Variants in DYNC1I2 observed in about 807,000 individuals in gnomAD.
The protein encoded by DYNC1I2 is cytoplasmic dynein 1 intermediate chain 2.
Under a neutral mutation model 88.6 loss-of-function variants are expected in DYNC1I2, and 53 were observed. The observed-to-expected ratio is 0.60, with a 90% confidence interval of 0.48 to 0.75. The LOEUF (loss-of-function observed/expected upper bound fraction) is 0.75. Among genes scored for constraint, DYNC1I2 ranks in the 30% least tolerant of loss-of-function variants. The pLI is 0.00. For synonymous variants in DYNC1I2, 198 were observed against 254.6 expected (o/e 0.78, Z 2.12); for missense variants, 458 against 766.6 (o/e 0.60, Z 4.75).
At position 171,743,800 on chromosome 2, in the gene DYNC1I2, A is replaced by G. The variant is rs3796000; in HGVS notation, c.1537-249A>G. ...GACAGATGTTCTTGAAGCATGTTCT[A>G]TTTCTTTTTTTAAACAGTATGGCAT... is the stretch of plus-strand genomic sequence containing the variant. On this transcript the variant is annotated intron_variant, in intron 15 of 17. Transcript: ENST00000397119. 0.041 allele frequency among the ~76,000 whole-genome samples: 6,310 copies of G among 152,266 alleles called. 1,005 individuals are homozygous for G. The East Asian group carries it at 0.59, about 14-fold the overall frequency.
chr2:171,734,491 C>T (rs1688869315), intron 15 of DYNC1I2, among the ~76,000 whole-genome samples: 1 of 152,194 alleles, frequency 6.6e-6, no homozygotes, highest in Non-Finnish European at 1.5e-5. Flanking sequence ...GCATTGCTTC[C>T]TTCCTTGGGC....
At chr2:171,744,692 A>C (rs1249450405) in intron 16 of DYNC1I2, among the ~76,000 whole-genome samples, 1 of 152,194 alleles carries the variant, frequency 6.6e-6, no homozygotes, top group Non-Finnish European at 1.5e-5. Flanking sequence ...TGTTACTATA[A>C]AATGAATATA....
chr2:171,743,488 A>C (rs1180038825), intron 15 of DYNC1I2, among the ~76,000 whole-genome samples: 1 of 152,226 alleles, frequency 6.6e-6, no homozygotes, highest in Admixed American at 6.5e-5. Context: ...CTGTCCAGTG[A>C]GCATCTGCTA....
intron 3 of DYNC1I2, among the ~76,000 whole-genome samples, chr2:171,694,968 A>T (rs980392466): frequency 6.6e-6 from 1 of 152,194 alleles, no homozygotes; most frequent in African/African-American, 2.4e-5. Context: ...GCCCATCTCC[A>T]TCATTAATTC....
chr2:171,736,276 A>G (rs1574623837), intron 15 of DYNC1I2, among the ~76,000 whole-genome samples: 1 of 152,316 alleles, frequency 6.6e-6, no homozygotes, highest in Non-Finnish European at 1.5e-5. Context: ...TCTCCTTTGC[A>G]TATTCAGAAA....
rs1208247946 is a variant in DYNC1I2, at chr2:171,707,318, T to C, written c.276T>C (p.Ser92=). The change falls in exon 5 of 18, where the codon TCT becomes TCC. Residue 92 remains serine, a synonymous_variant. Transcript: ENST00000397119. ...VPPPMSPSSK[S]VSTPSEAGSQ... is the part of the protein sequence containing the mutation. ...CTCCTATGTCTCCATCCTCCAAATC[T>C]GTGAGCACTCCAAGTGAAGCTGGAA... is the stretch of plus-strand genomic sequence containing the variant. The C allele has an allele frequency of 6.2e-7, 1 of 1,613,928 alleles. No homozygotes were observed. Among genetic ancestry groups the C allele is most frequent in the Non-Finnish European group, 8.5e-7 (1 of 1,179,820 alleles).
At chr2:171,732,102 G>C (rs772730171) in intron 15 of DYNC1I2, among the ~76,000 whole-genome samples, 1 of 152,284 alleles carries the variant, frequency 6.6e-6, no homozygotes, top group Non-Finnish European at 1.5e-5. Flanking sequence ...GGTGGCTTAC[G>C]CCTGTAATCT....
Position 171,744,150 on chromosome 2 carries a change from G to A in DYNC1I2, c.1638G>A (p.Met546Ile). The A allele has an allele frequency of 6.2e-7, 1 of 1,612,824 alleles. No homozygotes were observed. Among genetic ancestry groups the A allele is most frequent in the Non-Finnish European group, 8.5e-7 (1 of 1,179,530 alleles). ...HPALFACVDGMGRLDLWNLNN... is the reference protein window; with the variant it reads ...HPALFACVDGIGRLDLWNLNN... ...CCCTGTTTGCCTGTGTGGATGGCAT[G>A]GGGAGATTGGATTTGTGGAATCTCA... The change falls in exon 16 of 18, where the codon ATG becomes ATA. Residue 546 changes from methionine (M) to isoleucine (I), a missense_variant. Physicochemically the swap from Met to Ile is conservative, Grantham distance 10 (BLOSUM62 1). Transcript: ENST00000397119.
chr2:171,745,657 G>A (rs1689728272), intron 16 of DYNC1I2, 145 bp from the exon 17 acceptor site: 3 of 830,516 alleles, frequency 3.6e-6, no homozygotes, highest in Non-Finnish European at 5.6e-6. Context: ...TATCACTGAA[G>A]AAGAAGAAAG....
Position 171,727,847 on chromosome 2 carries a change from A to G in DYNC1I2, c.1023A>G (p.Ala341=). The G allele has an allele frequency of 6.2e-7, 1 of 1,613,126 alleles. No individual in the cohort carries two copies. The highest frequency in any genetic ancestry group is 8.5e-7 in the Non-Finnish European group (1 of 1,179,372). Residue 341 remains alanine, a synonymous_variant, in exon 12 of 18, where the codon GCA becomes GCG. Coordinates refer to ENST00000397119, the MANE Select transcript of DYNC1I2 (RefSeq NM_001378.3). ...CQSAVMSATF[A]KFHPNLVVGG... The stretch of plus-strand genomic sequence containing the variant: ...CAGCTGTGATGTCTGCCACATTTGC[A>G]AAATTTCATCCAAATCTTGTTGTTG...
intron 7 of DYNC1I2, among the ~76,000 whole-genome samples, chr2:171,716,506 C>T (rs189525355): frequency 6.6e-6 from 1 of 152,208 alleles, no homozygotes; most frequent in African/African-American, 2.4e-5. Flanking sequence ...ATATTCATTG[C>T]AGAAAGCCAG....
rs760196627 is a variant in DYNC1I2, at chr2:171,729,766, T to C, written c.1449T>C (p.His483=). 2 of 1,613,422 alleles carry C rather than the reference T, an allele frequency of 1.2e-6. No individual in the cohort carries two copies. Among genetic ancestry groups the C allele is most frequent in the Non-Finnish European group, 8.5e-7 (1 of 1,179,770 alleles). Reference sequence around the variant, plus strand: ...ATCAAGGACCAATCACTGGCATCCATTGTCATGCAGCTGTTGGAGCAGTAG... The same window carrying C: ...ATCAAGGACCAATCACTGGCATCCACTGTCATGCAGCTGTTGGAGCAGTAG... The part of the protein sequence containing the change: ...EGHQGPITGI[H]CHAAVGAVDF... Residue 483 remains histidine (H), a synonymous_variant, in exon 15 of 18, where the codon CAT becomes CAC. Transcript: ENST00000397119.
chr2:171,728,803 T>A lies in DYNC1I2; in HGVS notation c.1344T>A (p.Val448=). Residue 448 remains valine (V), a synonymous_variant, in exon 14 of 18, where the codon GTT becomes GTA. Transcript: ENST00000397119. The part of the protein sequence containing the change: ...SFPVGDVNNF[V]VGSEEGSVYT... The stretch of plus-strand genomic sequence containing the variant: ...CTGTTGGAGATGTCAACAACTTTGT[T>A]GTTGGGAGTGAAGAAGGTTCTGTGT... The A allele has an allele frequency of 6.2e-7, 1 of 1,611,424 alleles. No individual in the cohort carries two copies. The highest frequency in any genetic ancestry group is 8.5e-7 in the Non-Finnish European group (1 of 1,178,786).
chr2:171,744,768 T>A (rs1368345275), intron 16 of DYNC1I2, among the ~76,000 whole-genome samples: 1 of 152,202 alleles, frequency 6.6e-6, no homozygotes, highest in African/African-American at 2.4e-5. Flanking sequence ...TAATTGCAAC[T>A]CTTATTTATT....
At chr2:171,737,685 G>A (rs1247276249) in intron 15 of DYNC1I2, among the ~76,000 whole-genome samples, 1 of 152,030 alleles carries the variant, frequency 6.6e-6, no homozygotes, top group Non-Finnish European at 1.5e-5. Flanking sequence ...TCCCAAAGTG[G>A]TTGGGTTATA....
chr2:171,719,880 A>AT (rs1450857818), intron 7 of DYNC1I2, among the ~76,000 whole-genome samples: 4 of 152,118 alleles, frequency 2.6e-5, no homozygotes, highest in South Asian at 2.1e-4. Flanking sequence ...ACTTCAGTCG[A>AT]TTTTCTTCTC....
At chr2:171,722,478 A>G (rs1390841146) in intron 7 of DYNC1I2, among the ~76,000 whole-genome samples, 2 of 152,154 alleles carry the variant, frequency 1.3e-5, no homozygotes, top group Non-Finnish European at 2.9e-5. Context: ...TTGATGTGAC[A>G]TGGCAGCCCC....
intron 15 of DYNC1I2, among the ~76,000 whole-genome samples, chr2:171,732,332 C>T (rs962654017): frequency 6.6e-6 from 1 of 152,204 alleles, no homozygotes; most frequent in Non-Finnish European, 1.5e-5. Flanking sequence ...TGCACTACAG[C>T]CTGGGTGACG....
At chr2:171,722,417 A>C (rs1687959375) in intron 7 of DYNC1I2, among the ~76,000 whole-genome samples, 1 of 152,170 alleles carries the variant, frequency 6.6e-6, no homozygotes, top group African/African-American at 2.4e-5. Context: ...TTGTCAGAGA[A>C]AGCGTGGAGT....
Sources: gnomAD v4.1 joint callset for allele counts (sites outside exome capture counted in the v4.1 genomes callset) on GRCh38, gnomAD v4.1.1 for gene constraint, MANE v1.5 for transcripts, NCBI Gene and HGNC (gene_info 2026-07-23, HGNC 2026-07-21) for gene names.